Variants in PLCB1 observed in about 807,000 individuals in gnomAD.
PLCB1 encodes phospholipase C beta 1, also known as 1-phosphatidylinositol 4,5-bisphosphate phosphodiesterase beta-1.
A neutral mutation model predicts 161.8 loss-of-function variants in PLCB1; 46 were observed. That is an observed-to-expected ratio of 0.28 (90% CI 0.22 to 0.36). The LOEUF is 0.36. Ranked by LOEUF, PLCB1 falls within the 10% of genes least tolerant of loss-of-function variation. The pLI is 1.00. For missense variants in PLCB1, 1,016 were observed against 1,472.5 expected (o/e 0.69, Z 5.07); for synonymous variants, 517 against 503.7 (o/e 1.03, Z -0.35).
chr20:8,252,650 T>A (rs541047795), intron 2 of PLCB1, among the ~76,000 whole-genome samples: 22 of 152,028 alleles, frequency 1.4e-4, no homozygotes, highest in Non-Finnish European at 2.8e-4. Context: ...CAATAAAATC[T>A]CATTAGCTCA....
chr20:8,469,354 A>C (rs990210415), intron 3 of PLCB1, among the ~76,000 whole-genome samples: 1 of 152,176 alleles, frequency 6.6e-6, no homozygotes, highest in East Asian at 1.9e-4. Flanking sequence ...CTTATATGCC[A>C]AAATGTTAAA....
intron 2 of PLCB1, among the ~76,000 whole-genome samples, chr20:8,299,716 C>T (rs986411170): frequency 2.0e-5 from 3 of 152,134 alleles, no homozygotes; most frequent in Non-Finnish European, 2.9e-5. Context: ...CTTAGTTGCC[C>T]AAACTGGATG....
Position 8,760,198 on chromosome 20 carries a change from C to A in PLCB1, c.2657-209C>A, listed in dbSNP as rs1321441040. Among the ~76,000 whole-genome samples, 6 of 152,156 alleles carry A rather than the reference C, an allele frequency of 3.9e-5. No homozygotes were observed. The South Asian group carries it at 1.0e-3, about 26-fold the overall frequency. On this transcript the variant is annotated intron_variant, in intron 24 of 31. Transcript: ENST00000338037. ...GGGATTACAGGAATGAGCCACTGCACCTGGCCTAATGTTACATTTAATTAG... is the reference window on the plus strand; with the variant it reads ...GGGATTACAGGAATGAGCCACTGCAACTGGCCTAATGTTACATTTAATTAG...
At position 8,646,129 on chromosome 20, in the gene PLCB1, G is replaced by A. The variant is rs1479420339; in HGVS notation, c.412G>A (p.Ala138Thr). ...ATGGACAAATGAGGTTTTCAGTTTGGCAACAAACCTGCTGGCCCAAAACAT... is the reference window on the plus strand; with the variant it reads ...ATGGACAAATGAGGTTTTCAGTTTGACAACAAACCTGCTGGCCCAAAACAT... ...KEWTNEVFSL[A>T]TNLLAQNMSR... Residue 138 changes from alanine (A) to threonine (T), a missense_variant, in exon 5 of 32, where the codon GCA becomes ACA. Coordinates refer to ENST00000338037, the MANE Select transcript of PLCB1 (RefSeq NM_015192.4). The A allele has an allele frequency of 6.2e-7, 1 of 1,613,486 alleles. No individual in the cohort carries two copies. The highest frequency in any genetic ancestry group is 2.2e-5 in the East Asian group (1 of 44,854).
chr20:8,660,862 A>G (rs1989603079), intron 9 of PLCB1, among the ~76,000 whole-genome samples: 1 of 152,182 alleles, frequency 6.6e-6, no homozygotes, highest in Non-Finnish European at 1.5e-5. Context: ...TAAAGAAGCA[A>G]CATAGAATAA....
chr20:8,315,719 A>AAG, intron 2 of PLCB1, among the ~76,000 whole-genome samples: 1 of 151,978 alleles, frequency 6.6e-6, no homozygotes, highest in Non-Finnish European at 1.5e-5. Flanking sequence ...TTGCTTACAT[A>AAG]TTTCCTGCTA....
intron 31 of PLCB1, among the ~76,000 whole-genome samples, chr20:8,863,191 A>G (rs1600101465): frequency 1.3e-5 from 2 of 152,376 alleles, no homozygotes; most frequent in South Asian, 2.1e-4. Flanking sequence ...GGGCACTAAC[A>G]ATCATTAGCT....
chr20:8,793,034 C>G lies in PLCB1; in HGVS notation c.3423+2773C>G, dbSNP rs1480615811. Reference sequence around the variant, plus strand: ...AGTAACACTGGCTTTGAAATAATCCCTCTCCACATCTAGTACTGAAACAGG... The same window carrying G: ...AGTAACACTGGCTTTGAAATAATCCGTCTCCACATCTAGTACTGAAACAGG... On this transcript the variant is annotated intron_variant, in intron 31 of 31. Coordinates refer to ENST00000338037, the MANE Select transcript of PLCB1 (RefSeq NM_015192.4). 1.3e-5 allele frequency among the ~76,000 whole-genome samples: 2 copies of G among 152,186 alleles called. 1 individual carries two copies. Among genetic ancestry groups the G allele is most frequent in the Middle Eastern group, 6.3e-3 (2 of 316 alleles).
chr20:8,240,844 A>G (rs1348874395), intron 2 of PLCB1, among the ~76,000 whole-genome samples: 1 of 152,026 alleles, frequency 6.6e-6, no homozygotes, highest in Non-Finnish European at 1.5e-5. Context: ...AGAAGAAAAT[A>G]ATGTATATTA....
rs539710181 is a variant in PLCB1, at chr20:8,269,718, C to T, written c.178-101664C>T. Reference sequence around the variant, plus strand: ...GATACAAAGACAGATTTTTGGCTTTCGTTACAACAGCACAGTAAGATACAA... The same window carrying T: ...GATACAAAGACAGATTTTTGGCTTTTGTTACAACAGCACAGTAAGATACAA... On this transcript the variant is annotated intron_variant, in intron 2 of 31. Transcript: ENST00000338037. 2.6e-4 allele frequency among the ~76,000 whole-genome samples: 40 copies of T among 152,054 alleles called. No homozygotes were observed. The South Asian group carries it at 7.5e-3, about 28-fold the overall frequency.
chr20:8,166,528 A>T (rs1012021333), intron 2 of PLCB1, among the ~76,000 whole-genome samples: 1 of 152,094 alleles, frequency 6.6e-6, no homozygotes, highest in African/African-American at 2.4e-5. Context: ...AACTTATTTT[A>T]CCATCTGGAT....
At chr20:8,214,002 A>G (rs1282147715) in intron 2 of PLCB1, among the ~76,000 whole-genome samples, 2 of 152,100 alleles carry the variant, frequency 1.3e-5, no homozygotes, top group African/African-American at 4.8e-5. Flanking sequence ...ATCCTTAAAT[A>G]TTAGACCAAA....
intron 3 of PLCB1, among the ~76,000 whole-genome samples, chr20:8,463,609 G>A (rs1161044312): frequency 6.6e-6 from 1 of 151,974 alleles, no homozygotes; most frequent in African/African-American, 2.4e-5. Flanking sequence ...CTCTATATTT[G>A]TCTCACTTTT....
chr20:8,136,580 C>T (rs933795200), intron 1 of PLCB1, among the ~76,000 whole-genome samples: 11 of 150,730 alleles, frequency 7.3e-5, no homozygotes, highest in East Asian at 2.0e-4. Flanking sequence ...GAGCCGAGAT[C>T]GCGCCACTGC....
At chr20:8,545,419 G>A (rs992012634) in intron 3 of PLCB1, among the ~76,000 whole-genome samples, 1 of 152,204 alleles carries the variant, frequency 6.6e-6, no homozygotes, top group African/African-American at 2.4e-5. Flanking sequence ...GAGCAGAAGC[G>A]TCGTATGACT....
At position 8,556,654 on chromosome 20, in the gene PLCB1, T is replaced by TGG. The variant is rs748970127; in HGVS notation, c.247-71638_247-71637dup. On this transcript the variant is annotated intron_variant, in intron 3 of 31. Transcript: ENST00000338037. ...GTAAACAGCCAGGCTAGGAGAGGGT[T>TGG]GGGTGTGTGTGTGTGTGTGTGTGTG... Among the ~76,000 whole-genome samples the TGG allele has an allele frequency of 2.1e-3, 196 of 91,322 alleles. 1 individual carries two copies. The highest frequency in any genetic ancestry group is 3.2e-3 in the Non-Finnish European group (153 of 47,948). The allele number at this position is 91,322 out of a possible 152,430, so 59.9% of individuals were successfully genotyped here. A position where few individuals can be genotyped will look rare whatever the true frequency, so the allele number is the denominator to read the frequency against.
intron 31 of PLCB1, among the ~76,000 whole-genome samples, chr20:8,804,984 A>G (rs1346763908): frequency 7.0e-6 from 1 of 142,258 alleles, no homozygotes; most frequent in Non-Finnish European, 1.5e-5. Flanking sequence ...CTGGGCAACA[A>G]GAGCAAAACT....
At chr20:8,159,152 C>T (rs1321758824) in intron 2 of PLCB1, among the ~76,000 whole-genome samples, 3 of 152,182 alleles carry the variant, frequency 2.0e-5, no homozygotes, top group Non-Finnish European at 4.4e-5. Context: ...CAAGCTTCTG[C>T]CTGGACATCC....
At position 8,737,323 on chromosome 20, in the gene PLCB1, G is replaced by A. The variant is rs937057716; in HGVS notation, c.2208+131G>A. 4 of 738,028 alleles carry A rather than the reference G, an allele frequency of 5.4e-6. No homozygotes were observed. The Middle Eastern group carries it at 1.4e-3, about 255-fold the overall frequency. The allele number at this position is 738,028 out of a possible 1,614,324, so 45.7% of individuals were successfully genotyped here. ...CACACTTATAAAGCAATTACCTTTTGAAAGCCATTCTGAAAACCCTTCAAG... is the reference window on the plus strand; with the variant it reads ...CACACTTATAAAGCAATTACCTTTTAAAAGCCATTCTGAAAACCCTTCAAG... On this transcript the variant is annotated intron_variant, in intron 20 of 31. Coordinates refer to ENST00000338037, the MANE Select transcript of PLCB1 (RefSeq NM_015192.4).
Sources: gnomAD v4.1 joint callset for allele counts (sites outside exome capture counted in the v4.1 genomes callset) on GRCh38, gnomAD v4.1.1 for gene constraint, MANE v1.5 for transcripts, NCBI Gene and HGNC (gene_info 2026-07-23, HGNC 2026-07-21) for gene names.